FBN2: variants seen among roughly 807,000 people sequenced by gnomAD.
FBN2 encodes the protein fibrillin-2.
Under a neutral mutation model 355.6 loss-of-function variants are expected in FBN2, and 105 were observed. That is an observed-to-expected ratio of 0.30 (90% CI 0.25 to 0.35). FBN2 has a LOEUF of 0.35. FBN2 is among the 10% of genes least tolerant of loss of function. The pLI, the probability that FBN2 is intolerant of heterozygous loss-of-function variation, is 1.00. For missense variants in FBN2, 3,280 were observed against 3,758.7 expected (o/e 0.87, Z 3.33); for synonymous variants, 1,350 against 1,301.2 (o/e 1.04, Z -0.81).
intron 8 of FBN2, among the ~76,000 whole-genome samples, chr5:128,400,418 T>C (rs958360243): frequency 2.6e-5 from 4 of 151,970 alleles, no homozygotes; most frequent in African/African-American, 9.7e-5. Flanking sequence ...CTGAGAAATC[T>C]ACCTCCACAG....
intron 11 of FBN2, among the ~76,000 whole-genome samples, chr5:128,386,471 G>A (rs1228966954): frequency 6.6e-5 from 10 of 151,996 alleles, no homozygotes; most frequent in African/African-American, 1.7e-4. Flanking sequence ...CTCTAGCTTC[G>A]TTCTTTTTGC....
chr5:128,408,096 G>A (rs1246835286), intron 8 of FBN2, among the ~76,000 whole-genome samples: 2 of 152,162 alleles, frequency 1.3e-5, no homozygotes, highest in Non-Finnish European at 2.9e-5. Flanking sequence ...AGCTCACTGT[G>A]CTGTGATTAT....
chr5:128,402,819 T>C (rs1213072658), intron 8 of FBN2, among the ~76,000 whole-genome samples: 1 of 152,192 alleles, frequency 6.6e-6, no homozygotes, highest in African/African-American at 2.4e-5. Context: ...CTCCCCTTGA[T>C]TGATTTTGCG....
intron 48 of FBN2, among the ~76,000 whole-genome samples, chr5:128,291,938 C>T (rs1341051448): frequency 6.6e-6 from 1 of 152,090 alleles, no homozygotes; most frequent in Non-Finnish European, 1.5e-5. Context: ...CTCCATGTCT[C>T]ATGGGCATTG....
chr5:128,272,788 T>C (rs1218440677), intron 61 of FBN2, among the ~76,000 whole-genome samples: 1 of 152,128 alleles, frequency 6.6e-6, no homozygotes, highest in African/African-American at 2.4e-5. Context: ...AAAATTGGCA[T>C]GTCTGAGGGG....
At chr5:128,293,520 T>C (rs1161244614) in intron 48 of FBN2, among the ~76,000 whole-genome samples, 1 of 152,020 alleles carries the variant, frequency 6.6e-6, no homozygotes, top group Non-Finnish European at 1.5e-5. Flanking sequence ...ATTAAAACCA[T>C]TTTTTCAGAG....
intron 10 of FBN2, 84 bp from the exon 11 acceptor site, chr5:128,392,239 G>T (rs1032572673): frequency 1.7e-6 from 2 of 1,169,616 alleles, no homozygotes; most frequent in African/African-American, 1.5e-5. Flanking sequence ...ACATTTAATA[G>T]TAAATTAATT....
At position 128,291,635 on chromosome 5, in the gene FBN2, T is replaced by G; in HGVS notation, c.6186A>C (p.Glu2062Asp). The G allele has an allele frequency of 1.9e-6, 3 of 1,613,502 alleles. No individual in the cohort carries two copies. Among genetic ancestry groups the G allele is most frequent in the Non-Finnish European group, 2.5e-6 (3 of 1,179,468 alleles). Residue 2062 changes from glutamate to aspartate, a missense_variant, in exon 49 of 65, where the codon GAA (glutamate) becomes GAC (aspartate). By Grantham distance (45) the Glu-to-Asp change is conservative. Transcript: ENST00000262464. ...AACCAAAAAGACAAATGTTGGGATC[T>G]TCATCACATTCATTTATATCTGCAG... Reference protein sequence around the residue: ...ENCIDINECDEDPNICLFGSC... With the variant: ...ENCIDINECDDDPNICLFGSC...
At chr5:128,312,566 G>A in intron 37 of FBN2, 68 bp downstream of exon 37, 1 of 1,575,854 alleles carries the variant, frequency 6.3e-7, no homozygotes, top group South Asian at 1.1e-5. Context: ...TCCCAGCTCA[G>A]GAATAAAATG....
intron 4 of FBN2, among the ~76,000 whole-genome samples, chr5:128,523,288 T>C (rs1179416783): frequency 6.6e-6 from 1 of 152,132 alleles, no homozygotes; most frequent in Non-Finnish European, 1.5e-5. Flanking sequence ...TATAAATCTT[T>C]GCTATTGGTG....
Position 128,291,674 on chromosome 5 carries a change from T to C in FBN2, c.6167-20A>G. The C allele has an allele frequency of 6.2e-7, 1 of 1,611,040 alleles. No homozygotes were observed. Among genetic ancestry groups the C allele is most frequent in the Non-Finnish European group, 8.5e-7 (1 of 1,177,364 alleles). On this transcript the variant is annotated intron_variant, in intron 48 of 64. Coordinates refer to ENST00000262464, the MANE Select transcript of FBN2 (RefSeq NM_001999.4). ...TTATATCTGCAGAACAGGGGGAGTA[T>C]TTATTAGCCATTCAACACTTGAAAA...
intron 28 of FBN2, 94 bp downstream of exon 28, chr5:128,335,894 G>A: frequency 7.4e-7 from 1 of 1,350,062 alleles, no homozygotes; most frequent in South Asian, 1.2e-5. Flanking sequence ...TTGGGACAAA[G>A]GATTTGCATA....
At chr5:128,448,518 G>T (rs1424773477) in intron 6 of FBN2, among the ~76,000 whole-genome samples, 1 of 151,882 alleles carries the variant, frequency 6.6e-6, no homozygotes, top group East Asian at 1.9e-4. Context: ...TGTTGGTCAG[G>T]CTGGTCTTGA....
At chr5:128,310,254 A>C (rs1026114734) in intron 39 of FBN2, 146 bp from the exon 40 acceptor site, 14 of 679,326 alleles carry the variant, frequency 2.1e-5, no homozygotes, top group Non-Finnish European at 3.1e-5. Context: ...CCAAATATGC[A>C]TTTATATAAC....
intron 7 of FBN2, among the ~76,000 whole-genome samples, chr5:128,432,161 A>G (rs139074591): frequency 6.6e-6 from 1 of 152,310 alleles, no homozygotes; most frequent in East Asian, 1.9e-4. Context: ...AAAATTTAAT[A>G]TGAACTTTGG....
chr5:128,267,713 G>C (rs928689340), intron 62 of FBN2, among the ~76,000 whole-genome samples: 2 of 152,098 alleles, frequency 1.3e-5, no homozygotes, highest in African/African-American at 4.8e-5. Flanking sequence ...GCAGATTCTG[G>C]ATATTAGACC....
At chr5:128,391,480 T>A (rs1752507563) in intron 11 of FBN2, among the ~76,000 whole-genome samples, 1 of 152,210 alleles carries the variant, frequency 6.6e-6, no homozygotes, top group Admixed American at 6.5e-5. Context: ...TGCAATGGAT[T>A]CATTGTTGTT....
At chr5:128,365,290 T>C (rs996505967) in intron 17 of FBN2, 5 of 154,320 alleles carry the variant, frequency 3.2e-5, no homozygotes, top group African/African-American at 9.7e-5. Context: ...TGACTACTAC[T>C]ACTATATCAC....
In FBN2 at chr5:128,336,042, G is replaced by A. The variant is rs863223569; in HGVS notation, c.3670C>T (p.Gln1224Ter). The A allele has an allele frequency of 5.0e-6, 8 of 1,613,902 alleles. No individual in the cohort carries two copies. The highest frequency in any genetic ancestry group is 6.8e-6 in the Non-Finnish European group (8 of 1,179,904). The change falls in exon 28 of 65, where the codon CAG (glutamine) becomes TAG (stop). Residue 1224 changes from glutamine to a stop codon, truncating the protein, a stop_gained. Coordinates refer to ENST00000262464, the MANE Select transcript of FBN2 (RefSeq NM_001999.4). LOFTEE classifies it high-confidence loss of function. ...GKCVNMIGTY[Q>*]CSCNPGYQAT... is the part of the protein sequence containing the mutation. ...TGATATCCAGGATTGCAAGAGCACT[G>A]ATAGGTTCCAATCATGTTCACACAT...
Sources: allele counts gnomAD v4.1 joint callset (sites outside exome capture counted in the v4.1 genomes callset), GRCh38; gene constraint gnomAD v4.1.1; transcripts MANE v1.5; gene names NCBI Gene and HGNC (gene_info 2026-07-23, HGNC 2026-07-21).